GNG12: variants seen among roughly 807,000 people sequenced by gnomAD.
GNG12 encodes the protein guanine nucleotide-binding protein G(I)/G(S)/G(O) subunit gamma-12.
For synonymous variants in GNG12, 28 were observed against 29.7 expected (o/e 0.94, Z 0.19); for missense variants, 69 against 83.8 (o/e 0.82, Z 0.69).
intron 2 of GNG12, among the ~76,000 whole-genome samples, chr1:67,763,683 T>C (rs1464749514): frequency 6.6e-6 from 1 of 152,068 alleles, no homozygotes; most frequent in Non-Finnish European, 1.5e-5. Flanking sequence ...CAAATTCCAT[T>C]TTACACAAGC....
chr1:67,828,034 G>A (rs1324620639), intron 1 of GNG12, among the ~76,000 whole-genome samples: 1 of 152,212 alleles, frequency 6.6e-6, no homozygotes, highest in Admixed American at 6.5e-5. Context: ...AAAGTGGGGA[G>A]GTCAGGATCT....
intron 2 of GNG12, among the ~76,000 whole-genome samples, chr1:67,710,024 TTATA>T (rs1332672410): frequency 3.8e-5 from 1 of 26,044 alleles, no homozygotes; most frequent in South Asian, 1.2e-3. Flanking sequence ...ATATATATAG[TTATA>T]TATATATAGT....
At chr1:67,806,818 C>T (rs190189506) in intron 1 of GNG12, among the ~76,000 whole-genome samples, 2 of 152,066 alleles carry the variant, frequency 1.3e-5, no homozygotes, top group African/African-American at 4.8e-5. Context: ...ACAAATAGAT[C>T]AATCCACCAT....
intron 2 of GNG12, among the ~76,000 whole-genome samples, chr1:67,768,377 T>C (rs1290475169): frequency 2.0e-5 from 3 of 152,164 alleles, no homozygotes; most frequent in African/African-American, 7.2e-5. Context: ...TTTGATACTA[T>C]AAAGAACTAG....
In GNG12 at chr1:67,704,875, C is replaced by A. The variant is rs1646237209; in HGVS notation, c.*576G>T. 1 of 152,166 alleles carries A rather than the reference C, an allele frequency of 6.6e-6. No individual in the cohort carries two copies. Among genetic ancestry groups the A allele is most frequent in the South Asian group, 2.1e-4 (1 of 4,828 alleles). 9.4% of individuals were successfully genotyped at this position (152,166 alleles called of 1,614,324 possible). A position where few individuals can be genotyped will look rare whatever the true frequency, so the allele number is the denominator to read the frequency against. On this transcript the variant is annotated 3_prime_UTR_variant, in exon 4 of 4. Coordinates refer to ENST00000370982, the MANE Select transcript of GNG12 (RefSeq NM_018841.6). ...ATATGAAAGGAATTTTTTATTCTAC[C>A]TATACACAGCTCAAAATAAAGGTAT...
intron 2 of GNG12, among the ~76,000 whole-genome samples, chr1:67,757,801 TG>T (rs928595569): frequency 5.3e-5 from 8 of 152,210 alleles, no homozygotes; most frequent in Admixed American, 4.6e-4. Flanking sequence ...TTGAGAAGGC[TG>T]AACTAGGGGT....
chr1:67,717,998 A>T (rs1370248598), intron 2 of GNG12, among the ~76,000 whole-genome samples: 1 of 152,250 alleles, frequency 6.6e-6, no homozygotes, highest in Admixed American at 6.5e-5. Context: ...CTGAGAGAGC[A>T]CATATGAGTT....
At chr1:67,757,230 G>A (rs1042359554) in intron 2 of GNG12, among the ~76,000 whole-genome samples, 1 of 152,128 alleles carries the variant, frequency 6.6e-6, no homozygotes, top group African/African-American at 2.4e-5. Flanking sequence ...TACAAAGTTT[G>A]TTCACACTGA....
At chr1:67,816,866 T>C (rs948170444) in intron 1 of GNG12, among the ~76,000 whole-genome samples, 3 of 152,068 alleles carry the variant, frequency 2.0e-5, no homozygotes, top group African/African-American at 7.3e-5. Context: ...TGCTAGCCCA[T>C]GACCTTGTGC....
At chr1:67,718,038 C>T (rs758504158) in intron 2 of GNG12, among the ~76,000 whole-genome samples, 1 of 152,210 alleles carries the variant, frequency 6.6e-6, no homozygotes, top group Non-Finnish European at 1.5e-5. Flanking sequence ...TGCACTGGTC[C>T]TCAGGAAAGG....
At chr1:67,803,858 A>G (rs1646880381) in intron 1 of GNG12, among the ~76,000 whole-genome samples, 1 of 152,186 alleles carries the variant, frequency 6.6e-6, no homozygotes, top group Non-Finnish European at 1.5e-5. Flanking sequence ...TGTTTCTGCT[A>G]CACAGCAAGT....
At chr1:67,753,377 A>G (rs1646550033) in intron 2 of GNG12, among the ~76,000 whole-genome samples, 1 of 151,832 alleles carries the variant, frequency 6.6e-6, no homozygotes, top group South Asian at 2.1e-4. Context: ...CTGAAATCTG[A>G]AACACTTCTG....
At chr1:67,825,368 C>T (rs1219467171) in intron 1 of GNG12, among the ~76,000 whole-genome samples, 2 of 152,110 alleles carry the variant, frequency 1.3e-5, no homozygotes, top group Non-Finnish European at 1.5e-5. Context: ...GGCCTAGGTC[C>T]GAAGTATGAA....
intron 2 of GNG12, among the ~76,000 whole-genome samples, chr1:67,729,392 T>C (rs901852225): frequency 2.0e-5 from 3 of 152,178 alleles, no homozygotes; most frequent in African/African-American, 7.2e-5. Context: ...TCAGCTTCTC[T>C]CTCTTTCTGC....
intron 2 of GNG12, among the ~76,000 whole-genome samples, chr1:67,711,711 C>T (rs1054026635): frequency 6.6e-6 from 1 of 152,044 alleles, no homozygotes; most frequent in Non-Finnish European, 1.5e-5. Flanking sequence ...TGTCTTTAGG[C>T]CGATAAGGGG....
intron 1 of GNG12, among the ~76,000 whole-genome samples, chr1:67,822,799 G>A (rs2100824014): frequency 6.6e-6 from 1 of 151,910 alleles, no homozygotes; most frequent in East Asian, 1.9e-4. Flanking sequence ...ACTGCCTCTT[G>A]TGAATTTCCA....
At chr1:67,794,508 T>C (rs1188900217) in intron 1 of GNG12, among the ~76,000 whole-genome samples, 1 of 152,168 alleles carries the variant, frequency 6.6e-6, no homozygotes, top group Non-Finnish European at 1.5e-5. Context: ...AAAAACTTAA[T>C]ACAATAAAGA....
chr1:67,819,175 A>C (rs1206836797), intron 1 of GNG12, among the ~76,000 whole-genome samples: 3 of 152,142 alleles, frequency 2.0e-5, no homozygotes, highest in Non-Finnish European at 4.4e-5. Context: ...AGTTGGGGGC[A>C]GGGTGTCCAA....
chr1:67,787,065 G>GTA (rs1553158963), intron 1 of GNG12, among the ~76,000 whole-genome samples: 12 of 146,064 alleles, frequency 8.2e-5, no homozygotes, highest in African/African-American at 3.3e-4. Flanking sequence ...GTGTGTGTGT[G>GTA]TGTGTATAGT....
Sources: allele counts gnomAD v4.1 joint callset (sites outside exome capture counted in the v4.1 genomes callset), GRCh38; gene constraint gnomAD v4.1.1; transcripts MANE v1.5; gene names NCBI Gene and HGNC (gene_info 2026-07-23, HGNC 2026-07-21).